GPR174: variants seen among roughly 807,000 people sequenced by gnomAD.
The protein encoded by GPR174 is probable G protein-coupled receptor 174.
In GPR174, 8 loss-of-function variants were observed where a neutral mutation model predicts 16.5. That is an observed-to-expected ratio of 0.48 (90% CI 0.28 to 0.87). GPR174 has a LOEUF of 0.87. GPR174 is among the 40% of genes least tolerant of loss of function. GPR174 has a pLI of 0.09. For synonymous variants in GPR174, 111 were observed against 94.8 expected (o/e 1.17, Z -0.99); for missense variants, 214 against 247.5 (o/e 0.86, Z 0.91).
chrX:79,158,448 CT>C (rs1349860423), intron 2 of GPR174, among the ~76,000 whole-genome samples: 418 of 30,511 alleles, frequency 0.014, 4 homozygotes, highest in African/African-American at 0.034. Context: ...CTTTCTTTTT[CT>C]TTTTTTTTTT....
rs7062610 is a variant in GPR174 at position 79,165,874 on chromosome X, T to C, written c.-556-4578T>C. Among the ~76,000 whole-genome samples the C allele has an allele frequency of 3.9e-3, 431 of 111,482 alleles. 2 individuals are homozygous for C. Among genetic ancestry groups the C allele is most frequent in the African/African-American group, 0.013 (408 of 30,672 alleles). ...AGGGTCTGATTATCTTGGACCTTAG[T>C]TTATTTTATGTAAGCTTGGAAGCCC... On this transcript the variant is annotated intron_variant, in intron 2 of 2. Coordinates refer to ENST00000645147, the MANE Select transcript of GPR174 (RefSeq NM_032553.3).
chrX:79,157,676 T>C (rs1362013568), intron 2 of GPR174, among the ~76,000 whole-genome samples: 3 of 111,752 alleles, frequency 2.7e-5, no homozygotes, highest in Non-Finnish European at 3.8e-5. Context: ...AATTTCTATT[T>C]ATTGATTGGT....
At chrX:79,161,635 G>A (rs774098908) in intron 2 of GPR174, among the ~76,000 whole-genome samples, 1 of 111,914 alleles carries the variant, frequency 8.9e-6, no homozygotes, top group Admixed American at 9.5e-5. Flanking sequence ...AAATAATGAT[G>A]TAGGGGGTAA....
chrX:79,166,647 C>T (rs1370749537), intron 2 of GPR174, among the ~76,000 whole-genome samples: 1 of 108,134 alleles, frequency 9.2e-6, no homozygotes, highest in Non-Finnish European at 1.9e-5. Flanking sequence ...CTATGTTGGC[C>T]AGGATGGTCT....
chrX:79,173,368 C>A lies in GPR174; in HGVS notation c.*1359C>A, dbSNP rs1450452369. ...TGGTACTATTGTGTGGGAAACAGAC[C>A]CAGGATATTAGTCGTAATTAAACCT... is the stretch of plus-strand genomic sequence containing the variant. On this transcript the variant is annotated 3_prime_UTR_variant, in exon 3 of 3. Coordinates refer to ENST00000645147, the MANE Select transcript of GPR174 (RefSeq NM_032553.3). The A allele has an allele frequency of 9.0e-6, 1 of 111,674 alleles. No individual in the cohort carries two copies. The highest frequency in any genetic ancestry group is 1.9e-5 in the Non-Finnish European group (1 of 53,087). 9.2% of individuals were successfully genotyped at this position (111,674 alleles called of 1,213,427 possible). A position where few individuals can be genotyped will look rare whatever the true frequency, so the allele number is the denominator to read the frequency against.
chrX:79,148,586 C>T (rs1179904949), intron 1 of GPR174, among the ~76,000 whole-genome samples: 1 of 111,539 alleles, frequency 9.0e-6, no homozygotes, highest in Non-Finnish European at 1.9e-5. Context: ...GGCATGATCA[C>T]AGCTCACTGC....
At chrX:79,148,974 A>G (rs1242937986) in intron 1 of GPR174, among the ~76,000 whole-genome samples, 3 of 111,957 alleles carry the variant, frequency 2.7e-5, no homozygotes, top group Non-Finnish European at 3.8e-5. Flanking sequence ...TGTCTACTCT[A>G]TTTGAAGTGT....
Position 79,144,950 on chromosome X carries a change from TTTTC to T in GPR174, c.-907_-904del, listed in dbSNP as rs1216942456. ...CTCTCCTTTCCTTTTCTTTCTTTCT[TTTTC>T]TTTCTTTCTTTCTCTTTCTTTCTTT... is the stretch of plus-strand genomic sequence containing the variant. On this transcript the variant is annotated 5_prime_UTR_variant, in exon 1 of 3. Transcript: ENST00000645147. 28 of 106,178 alleles carry T rather than the reference TTTTC, an allele frequency of 2.6e-4. No individual in the cohort carries two copies. The highest frequency in any genetic ancestry group is 6.1e-4 in the East Asian group (2 of 3,260). 8.8% of individuals were successfully genotyped at this position (106,178 alleles called of 1,213,427 possible).
chrX:79,155,665 C>G (rs763977967), intron 1 of GPR174, among the ~76,000 whole-genome samples: 8 of 100,717 alleles, frequency 7.9e-5, no homozygotes, highest in African/African-American at 2.4e-4. Context: ...ATTCATTTTA[C>G]ATGAGGAAGA....
chrX:79,147,982 A>G (rs759293058), intron 1 of GPR174, among the ~76,000 whole-genome samples: 19 of 112,363 alleles, frequency 1.7e-4, no homozygotes, highest in African/African-American at 6.1e-4. Context: ...AGCAGCAGCC[A>G]GAGATCAAGA....
intron 2 of GPR174, among the ~76,000 whole-genome samples, chrX:79,167,119 G>C (rs1921392647): frequency 8.9e-6 from 1 of 112,047 alleles, no homozygotes; most frequent in African/African-American, 3.2e-5. Flanking sequence ...CACAGGCAAT[G>C]AAGATAGGAA....
At position 79,171,125 on chromosome X, in the gene GPR174, G is replaced by A; in HGVS notation, c.118G>A (p.Ala40Thr). The A allele has an allele frequency of 8.3e-7, 1 of 1,207,869 alleles. No individual in the cohort carries two copies. ...GCCAGGTCTCATAGGGAATATATTA[G>A]CCCTGTGGGTATTCTATGGTTATAT... ...LVPGLIGNIL[A>T]LWVFYGYMKE... The change falls in exon 3 of 3, where the codon GCC becomes ACC. Residue 40 changes from alanine to threonine, a missense_variant. Ala to Thr is a moderately conservative substitution (Grantham distance 58). Transcript: ENST00000645147.
chrX:79,147,538 T>C (rs1408784021), intron 1 of GPR174, among the ~76,000 whole-genome samples: 1 of 102,878 alleles, frequency 9.7e-6, no homozygotes, highest in African/African-American at 3.5e-5. Flanking sequence ...TGCAAACTGA[T>C]ACTAGATGCT....
chrX:79,149,589 A>G lies in GPR174; in HGVS notation c.-654+4372A>G, dbSNP rs778359900. Reference sequence around the variant, plus strand: ...GAAATGCTATGACTTCTAAAAGTTTATTAGGGTTAAAAAGAGAATTCTACC... The same window carrying G: ...GAAATGCTATGACTTCTAAAAGTTTGTTAGGGTTAAAAAGAGAATTCTACC... On this transcript the variant is annotated intron_variant, in intron 1 of 2. Transcript: ENST00000645147. 5.4e-5 allele frequency among the ~76,000 whole-genome samples: 6 copies of G among 111,810 alleles called. No homozygotes were observed. In the East Asian group the frequency reaches 1.1e-3, roughly 21 times the overall value.
chrX:79,165,774 G>A (rs760466623), intron 2 of GPR174, among the ~76,000 whole-genome samples: 2 of 110,659 alleles, frequency 1.8e-5, no homozygotes, highest in African/African-American at 3.3e-5. Flanking sequence ...GCTATTAATC[G>A]TGTGGAGTAG....
intron 1 of GPR174, among the ~76,000 whole-genome samples, chrX:79,155,358 T>C (rs1921071955): frequency 9.0e-6 from 1 of 111,468 alleles, no homozygotes; most frequent in South Asian, 3.7e-4. Flanking sequence ...ATCTTCTACT[T>C]GGTCTGTTTC....
intron 2 of GPR174, among the ~76,000 whole-genome samples, chrX:79,169,534 T>C (rs980637424): frequency 8.9e-6 from 1 of 111,741 alleles, no homozygotes; most frequent in African/African-American, 3.3e-5. Context: ...AAAATAATAA[T>C]AATTTGTTCA....
rs1451924829 is a variant in GPR174 at position 79,175,077 on chromosome X, A to G, written c.*3068A>G. On this transcript the variant is annotated 3_prime_UTR_variant, in exon 3 of 3. Coordinates refer to ENST00000645147, the MANE Select transcript of GPR174 (RefSeq NM_032553.3). ...ATATGTTTTCATTGTCACTCAGTTA[A>G]GCAGCCAATTCTGTTAGCTGGTAAT... 9.0e-6 allele frequency: 1 copy of G among 111,504 alleles called. No individual in the cohort carries two copies. The highest frequency in any genetic ancestry group is 1.9e-5 in the Non-Finnish European group (1 of 53,118). The allele number at this position is 111,504 out of a possible 1,213,427, so 9.2% of individuals were successfully genotyped here. A position where few individuals can be genotyped will look rare whatever the true frequency, so the allele number is the denominator to read the frequency against.
chrX:79,156,207 T>G (rs1921093700), intron 1 of GPR174, among the ~76,000 whole-genome samples: 1 of 111,795 alleles, frequency 8.9e-6, no homozygotes, highest in South Asian at 3.7e-4. Context: ...CAAGTGATCA[T>G]TAGGTAAAGC....
Sources: allele counts gnomAD v4.1 joint callset (sites outside exome capture counted in the v4.1 genomes callset), GRCh38; gene constraint gnomAD v4.1.1; transcripts MANE v1.5; gene names NCBI Gene and HGNC (gene_info 2026-07-23, HGNC 2026-07-21).